The following IL20RA variants were observed in gnomAD, a reference collection of about 807,000 sequenced individuals.
The protein encoded by IL20RA is interleukin-20 receptor subunit alpha.
In IL20RA, 29 loss-of-function variants were observed where a neutral mutation model predicts 36.5. That is an observed-to-expected ratio of 0.79 (90% CI 0.59 to 1.08). The LOEUF is 1.08. Ranked by LOEUF, IL20RA falls within the 50% of genes least tolerant of loss-of-function variation. The probability of loss-of-function intolerance (pLI) is 0.00; values close to 1 mark genes in which losing one functional copy is unlikely to be tolerated. For synonymous variants in IL20RA, 279 were observed against 267.1 expected, an observed-to-expected ratio of 1.04 and a Z score of -0.43; for missense variants, 652 against 668.4, an observed-to-expected ratio of 0.98 and a Z score of 0.27.
chr6:137,005,539 T>C (rs1289979206), intron 5 of IL20RA, among the ~76,000 whole-genome samples: 1 of 152,210 alleles, frequency 6.6e-6, no homozygotes, highest in Non-Finnish European at 1.5e-5. Context: ...GTTAAGCCAC[T>C]GTGGTATACT....
chr6:137,014,281 TCAAA>T (rs1297645504), intron 2 of IL20RA, among the ~76,000 whole-genome samples: 1 of 152,174 alleles, frequency 6.6e-6, no homozygotes, highest in Non-Finnish European at 1.5e-5. Flanking sequence ...ATTCAAACAA[TCAAA>T]CAATTCAGAA....
chr6:137,044,039 A>G (rs971524343), intron 1 of IL20RA: 1 of 897,856 alleles, frequency 1.1e-6, no homozygotes, highest in Non-Finnish European at 1.3e-6. Context: ...CTATCTGTAC[A>G]TGGTCATAAC....
chr6:137,004,586 T>G (rs374677072), intron 6 of IL20RA, 35 bp downstream of exon 6: 6 of 1,601,296 alleles, frequency 3.7e-6, no homozygotes, highest in Non-Finnish European at 4.3e-6. Flanking sequence ...AGGTGTACTA[T>G]TATAATAAAG....
intron 2 of IL20RA, among the ~76,000 whole-genome samples, chr6:137,015,085 CT>C (rs1246509284): frequency 1.3e-5 from 2 of 152,170 alleles, no homozygotes; most frequent in African/African-American, 4.8e-5. Flanking sequence ...TTGAGTTCTG[CT>C]TTTGCTAAAA....
At chr6:137,006,830 C>T (rs946057508) in intron 5 of IL20RA, among the ~76,000 whole-genome samples, 1 of 151,780 alleles carries the variant, frequency 6.6e-6, no homozygotes, top group Non-Finnish European at 1.5e-5. Flanking sequence ...CTCAGGTGAT[C>T]CTCCCATCTC....
Position 137,040,274 on chromosome 6 carries a change from A to G in IL20RA, c.88+4367T>C, listed in dbSNP as rs79703048. Among the ~76,000 whole-genome samples the G allele has an allele frequency of 3.7e-3, 557 of 151,088 alleles. 5 individuals are homozygous for G. Among genetic ancestry groups the G allele is most frequent in the African/African-American group, 0.013 (525 of 41,488 alleles). ...CTCACGGTCTTAAATATATATACAC[A>G]CCCACAGATACATACAGAAATATAG... On this transcript the variant is annotated intron_variant, in intron 1 of 6. Transcript: ENST00000316649.
At chr6:137,034,563 C>A (rs370382590) in intron 1 of IL20RA, among the ~76,000 whole-genome samples, 1 of 152,110 alleles carries the variant, frequency 6.6e-6, no homozygotes, top group African/African-American at 2.4e-5. Context: ...GCTCTCCCTC[C>A]CCCAGCACTC....
intron 5 of IL20RA, among the ~76,000 whole-genome samples, chr6:137,007,951 TATCA>T (rs1192137054): frequency 5.9e-5 from 9 of 152,342 alleles, no homozygotes; most frequent in Admixed American, 3.3e-4. Flanking sequence ...ACAGAATTTC[TATCA>T]ATCAGAGTGG....
rs1276235741 is a variant in IL20RA, at chr6:137,001,223, A to T, written c.*335T>A. The T allele has an allele frequency of 5.1e-6, 1 of 196,446 alleles. No individual in the cohort carries two copies. The highest frequency in any genetic ancestry group is 5.6e-5 in the Admixed American group (1 of 18,006). 12.2% of individuals were successfully genotyped at this position (196,446 alleles called of 1,614,324 possible). On this transcript the variant is annotated 3_prime_UTR_variant, in exon 7 of 7. Transcript: ENST00000316649. ...GGAAGTACCCAGAAAATAATTGTACAAGTGTGCTTGTTTGAAAATAATGAA... is the reference window on the plus strand; with the variant it reads ...GGAAGTACCCAGAAAATAATTGTACTAGTGTGCTTGTTTGAAAATAATGAA...
chr6:137,015,865 C>T lies in IL20RA; in HGVS notation c.224+1103G>A, dbSNP rs148986593. Among the ~76,000 whole-genome samples the T allele has an allele frequency of 2.1e-3, 322 of 152,208 alleles. 1 individual carries two copies. The highest frequency in any genetic ancestry group is 2.9e-3 in the Non-Finnish European group (200 of 68,018). On this transcript the variant is annotated intron_variant, in intron 2 of 6. Transcript: ENST00000316649. The stretch of plus-strand genomic sequence containing the variant: ...AGAGACAGGGTTTTGTCATGTTGCA[C>T]AGGTTGGTTTTGAACTTGTGAGCTC...
At chr6:137,043,516 A>G (rs1182314305) in intron 1 of IL20RA, among the ~76,000 whole-genome samples, 1 of 152,238 alleles carries the variant, frequency 6.6e-6, no homozygotes. Context: ...ATTAAAAGGA[A>G]AAATAACTAT....
chr6:137,030,363 G>A (rs927136994), intron 1 of IL20RA, among the ~76,000 whole-genome samples: 1 of 152,116 alleles, frequency 6.6e-6, no homozygotes, highest in Admixed American at 6.5e-5. Flanking sequence ...TGGGATGACA[G>A]GCATGAGCCA....
At chr6:137,005,653 T>C (rs1775252668) in intron 5 of IL20RA, among the ~76,000 whole-genome samples, 1 of 152,038 alleles carries the variant, frequency 6.6e-6, no homozygotes. Flanking sequence ...GTTTTTGTTG[T>C]TGTTGTTGTT....
intron 1 of IL20RA, chr6:137,038,257 C>T (rs276508): frequency 0.22 from 29,189 of 131,470 alleles, 3,407 homozygotes; most frequent in South Asian, 0.36. Context: ...CTCTGTTGCC[C>T]GGGCTGGAGT....
intron 1 of IL20RA, among the ~76,000 whole-genome samples, chr6:137,041,436 C>A (rs184711087): frequency 2.0e-4 from 31 of 152,214 alleles, no homozygotes; most frequent in Non-Finnish European, 4.0e-4. Context: ...TATGGGAATT[C>A]TTTGTGCTAT....
At chr6:137,032,779 A>G (rs1776343389) in intron 1 of IL20RA, among the ~76,000 whole-genome samples, 1 of 152,214 alleles carries the variant, frequency 6.6e-6, no homozygotes, top group African/African-American at 2.4e-5. Context: ...AGAATGATGA[A>G]TTGTTTTGAG....
intron 1 of IL20RA, among the ~76,000 whole-genome samples, chr6:137,030,070 GTTTTTTTTTTTTTT>G (rs1188809232): frequency 3.2e-5 from 2 of 62,858 alleles, no homozygotes; most frequent in Admixed American, 2.9e-4. Flanking sequence ...CGGTTTGCGG[GTTTTTTTTTTTTTT>G]TTTTTTTTTT....
At chr6:137,044,554 A>G (rs534313913) in intron 1 of IL20RA, 87 bp downstream of exon 1, 2 of 1,172,332 alleles carry the variant, frequency 1.7e-6, no homozygotes, top group African/African-American at 3.2e-5. Context: ...GGCGGGCAGG[A>G]GGGGAGAGCT....
intron 1 of IL20RA, chr6:137,044,097 G>A (rs1776809244): frequency 1.0e-6 from 1 of 985,416 alleles, no homozygotes; most frequent in Non-Finnish European, 1.2e-6. Context: ...CTTACTTTAA[G>A]AAGCTGCGTC....
Sources: gnomAD v4.1 joint callset for allele counts (sites outside exome capture counted in the v4.1 genomes callset) on GRCh38, gnomAD v4.1.1 for gene constraint, MANE v1.5 for transcripts, NCBI Gene and HGNC (gene_info 2026-07-23, HGNC 2026-07-21) for gene names.